Variants in RORA observed in about 807,000 individuals in gnomAD.
The protein encoded by RORA is RAR related orphan receptor A, also known as nuclear receptor ROR-alpha.
RORA carries 7 observed loss-of-function variants against 69.5 expected under a neutral mutation model. The observed-to-expected ratio is 0.10, with a 90% CI of 0.06 to 0.19. The LOEUF is 0.19. RORA is among the 10% of genes least tolerant of loss of function. RORA has a pLI of 1.00. For synonymous variants in RORA, 261 were observed against 240.8 expected (o/e 1.08, Z -0.78); for missense variants, 457 against 663.0 (o/e 0.69, Z 3.41).
At chr15:61,084,131 G>A (rs2078587519) in intron 1 of RORA, among the ~76,000 whole-genome samples, 1 of 152,154 alleles carries the variant, frequency 6.6e-6, no homozygotes, top group Non-Finnish European at 1.5e-5. Context: ...AGGGGCTATC[G>A]ATGCCACTCC....
chr15:61,123,487 C>T (rs752760232), intron 1 of RORA, among the ~76,000 whole-genome samples: 2 of 152,142 alleles, frequency 1.3e-5, no homozygotes, highest in Non-Finnish European at 2.9e-5. Flanking sequence ...AGGAGTTTCA[C>T]GTGTCCCAAA....
rs1363463918 is a variant in RORA at position 61,145,802 on chromosome 15, A to AG, written c.166+83250dup. Among the ~76,000 whole-genome samples, 6 of 152,170 alleles carry AG rather than the reference A, an allele frequency of 3.9e-5. No homozygotes were observed. The South Asian group carries it at 8.3e-4, about 21-fold the overall frequency. On this transcript the variant is annotated intron_variant, in intron 1 of 10. Coordinates refer to ENST00000335670, the MANE Select transcript of RORA (RefSeq NM_134261.3). ...AGGGGAAATATGTTCAGCCAAGAGAAGGGGGCAGTATCCCAGCACCATCAT... is the reference window on the plus strand; with the variant it reads ...AGGGGAAATATGTTCAGCCAAGAGAAGGGGGGCAGTATCCCAGCACCATCAT...
intron 1 of RORA, among the ~76,000 whole-genome samples, chr15:60,959,525 T>C (rs1893357822): frequency 6.6e-6 from 1 of 152,068 alleles, no homozygotes; most frequent in African/African-American, 2.4e-5. Flanking sequence ...AATAAAAGGG[T>C]TCTTTACAAA....
intron 1 of RORA, among the ~76,000 whole-genome samples, chr15:61,124,212 T>C (rs1480302018): frequency 6.6e-6 from 1 of 152,228 alleles, no homozygotes; most frequent in Non-Finnish European, 1.5e-5. Flanking sequence ...TTTAAGCAAT[T>C]CCCTTATCGG....
chr15:61,207,129 C>T (rs898936089), intron 1 of RORA, among the ~76,000 whole-genome samples: 42 of 151,806 alleles, frequency 2.8e-4, no homozygotes, highest in East Asian at 1.2e-3. Context: ...TACATATATA[C>T]ACACACACAC....
chr15:60,821,009 G>A (rs1471882804), intron 1 of RORA, among the ~76,000 whole-genome samples: 1 of 143,262 alleles, frequency 7.0e-6, no homozygotes, highest in African/African-American at 2.7e-5. Context: ...CTCTGGAAGG[G>A]AACACCACCA....
At chr15:60,972,779 T>C (rs1893756891) in intron 1 of RORA, among the ~76,000 whole-genome samples, 1 of 152,140 alleles carries the variant, frequency 6.6e-6, no homozygotes, top group African/African-American at 2.4e-5. Context: ...TTTTGAGAAG[T>C]TTAAATGTGG....
chr15:60,631,746 C>G (rs373244725), intron 2 of RORA, among the ~76,000 whole-genome samples: 10 of 152,240 alleles, frequency 6.6e-5, no homozygotes, highest in African/African-American at 2.2e-4. Flanking sequence ...ACCTCACAGG[C>G]TCCTGGCTTA....
chr15:60,676,550 A>G (rs1208981230), intron 2 of RORA, among the ~76,000 whole-genome samples: 1 of 152,238 alleles, frequency 6.6e-6, no homozygotes, highest in Non-Finnish European at 1.5e-5. Context: ...AGGAGCTTTA[A>G]GTCTTTCTAC....
At chr15:61,154,519 C>T (rs2079425518) in intron 1 of RORA, among the ~76,000 whole-genome samples, 1 of 152,162 alleles carries the variant, frequency 6.6e-6, no homozygotes, top group African/African-American at 2.4e-5. Context: ...ACAAGTGATT[C>T]TCAGTCACAG....
At chr15:61,228,503 G>A (rs1329596810) in intron 1 of RORA, among the ~76,000 whole-genome samples, 1 of 96,166 alleles carries the variant, frequency 1.0e-5, no homozygotes, top group Non-Finnish European at 2.2e-5. Context: ...CTCCACCCCC[G>A]GGACTTCCCA....
chr15:60,716,767 G>A (rs186284820), intron 1 of RORA, among the ~76,000 whole-genome samples: 116 of 152,158 alleles, frequency 7.6e-4, no homozygotes, highest in Middle Eastern at 6.8e-3. Flanking sequence ...ATATCATGAC[G>A]CTTCCATAAA....
chr15:60,561,351 G>C (rs934451718), intron 2 of RORA, among the ~76,000 whole-genome samples: 1 of 151,672 alleles, frequency 6.6e-6, no homozygotes, highest in African/African-American at 2.4e-5. Flanking sequence ...AAAGTGCTGG[G>C]ATTACAGGCG....
rs1239917192 is a variant in RORA at position 60,511,530 on chromosome 15, G to C, written c.516C>G (p.His172Gln). The C allele has an allele frequency of 2.5e-6, 4 of 1,614,026 alleles. No homozygotes were observed. Among genetic ancestry groups the C allele is most frequent in the East Asian group, 2.2e-5 (1 of 44,892 alleles). Residue 172 changes from histidine to glutamine, a missense_variant, in exon 5 of 11, where the codon CAC (histidine) becomes CAG (glutamine). This residue lies in a region of RORA where 304 missense variants were observed against 447.4 expected (regional missense o/e 0.68). Coordinates refer to ENST00000335670, the MANE Select transcript of RORA (RefSeq NM_134261.3). This position sits in a 1 kb window ranked among gnomAD's most constrained non-coding sequence, Gnocchi z 6.4. ...GCTCAGCCTCTCCAGGCTGCTGCTG[G>C]TGGTCGCGCTGCTGCTGCTGCATCC... ...KHRMQQQQRD[H>Q]QQQPGEAEPL...
In RORA at chr15:60,492,842, C is replaced by T. The variant is rs893786880; in HGVS notation, c.*4613G>A. Reference sequence around the variant, plus strand: ...AAGTTCTAAACTCAACAAAATGAGACGAGAGTAAAGAGTTTACACACACGC... The same window carrying T: ...AAGTTCTAAACTCAACAAAATGAGATGAGAGTAAAGAGTTTACACACACGC... On this transcript the variant is annotated 3_prime_UTR_variant, in exon 11 of 11. Transcript: ENST00000335670. The T allele has an allele frequency of 6.6e-6, 1 of 152,012 alleles. No individual in the cohort carries two copies. Among genetic ancestry groups the T allele is most frequent in the African/African-American group, 2.4e-5 (1 of 41,382 alleles). 9.4% of individuals were successfully genotyped at this position (152,012 alleles called of 1,614,324 possible). A position where few individuals can be genotyped will look rare whatever the true frequency, so the allele number is the denominator to read the frequency against.
At chr15:60,747,924 T>C (rs1202665989) in intron 1 of RORA, among the ~76,000 whole-genome samples, 1 of 152,190 alleles carries the variant, frequency 6.6e-6, no homozygotes, top group Non-Finnish European at 1.5e-5. Flanking sequence ...ATAATTAATA[T>C]AGATTCCCAC....
chr15:61,225,358 G>T (rs965434459), intron 1 of RORA, among the ~76,000 whole-genome samples: 13 of 152,084 alleles, frequency 8.5e-5, no homozygotes, highest in Admixed American at 8.5e-4. Context: ...TCTAGAAAGG[G>T]CGCTAAATTG....
At chr15:60,919,036 G>T (rs1269120584) in intron 1 of RORA, among the ~76,000 whole-genome samples, 1 of 152,172 alleles carries the variant, frequency 6.6e-6, no homozygotes, top group Admixed American at 6.5e-5. Flanking sequence ...TACTTATGAT[G>T]CTACGAAAAG....
intron 1 of RORA, among the ~76,000 whole-genome samples, chr15:60,982,190 C>T (rs777354080): frequency 3.3e-5 from 5 of 152,152 alleles, no homozygotes; most frequent in African/African-American, 9.7e-5. Context: ...AACACTCAAC[C>T]AGGCAGTTTA....
Sources: allele counts gnomAD v4.1 joint callset (sites outside exome capture counted in the v4.1 genomes callset), GRCh38; gene constraint gnomAD v4.1.1; regional missense constraint gnomAD v4.1.1; non-coding constraint Gnocchi (gnomAD v3.1); transcripts MANE v1.5; gene names NCBI Gene and HGNC (gene_info 2026-07-23, HGNC 2026-07-21).